Variants in YBX3 observed in about 807,000 individuals in gnomAD.
YBX3 encodes the protein Y-box-binding protein 3.
A neutral mutation model predicts 42.4 loss-of-function variants in YBX3; 29 were observed. That is an observed-to-expected ratio of 0.68 (90% CI 0.51 to 0.93). The LOEUF is 0.93. Among genes scored for constraint, YBX3 ranks in the 40% least tolerant of loss-of-function variants. The pLI, the probability that YBX3 is intolerant of heterozygous loss-of-function variation, is 0.00. For synonymous variants in YBX3, 195 were observed against 189.8 expected (o/e 1.03, Z -0.22); for missense variants, 517 against 527.5 (o/e 0.98, Z 0.19).
intron 5 of YBX3, 190 bp downstream of exon 5, chr12:10,713,021 A>G: frequency 1.3e-6 from 1 of 774,228 alleles, no homozygotes; most frequent in Non-Finnish European, 1.9e-6. Context: ...CGGTTTCCCA[A>G]AAACCTATGG....
At chr12:10,713,422 G>A in intron 4 of YBX3, 89 bp from the exon 5 acceptor site, 1 of 1,415,680 alleles carries the variant, frequency 7.1e-7, no homozygotes, top group Non-Finnish European at 9.4e-7. Flanking sequence ...GTATAAGACT[G>A]GCAGAACATA....
chr12:10,715,856 C>G, intron 3 of YBX3, 73 bp from the exon 4 acceptor site: 1 of 1,270,410 alleles, frequency 7.9e-7, no homozygotes, highest in Admixed American at 1.8e-5. Context: ...CTTTCAAGTA[C>G]ACCAGAGTGA....
intron 1 of YBX3, among the ~76,000 whole-genome samples, chr12:10,721,657 T>A (rs2120996582): frequency 6.6e-6 from 1 of 151,854 alleles, no homozygotes; most frequent in South Asian, 2.1e-4. Flanking sequence ...AAGAAAATAG[T>A]CCTCTCAAGG....
chr12:10,700,586 T>C (rs1280378541), intron 9 of YBX3, among the ~76,000 whole-genome samples: 3 of 152,162 alleles, frequency 2.0e-5, no homozygotes, highest in Non-Finnish European at 4.4e-5. Flanking sequence ...AATAACAAGC[T>C]ATCCTTTTAC....
chr12:10,718,066 T>C (rs751248066), intron 3 of YBX3, 22 bp downstream of exon 3: 5 of 1,599,696 alleles, frequency 3.1e-6, no homozygotes, highest in South Asian at 1.1e-5. Flanking sequence ...ATAGCAAATG[T>C]AGTATTTATA....
Position 10,715,769 on chromosome 12 carries a change from C to T in YBX3, c.375G>A (p.Lys125=), listed in dbSNP as rs574595566. 1.4e-5 allele frequency: 23 copies of T among 1,614,002 alleles called. No individual in the cohort carries two copies. Among genetic ancestry groups the T allele is most frequent in the Non-Finnish European group, 1.8e-5 (21 of 1,179,934 alleles). The change falls in exon 4 of 10, where the codon AAG becomes AAA. Residue 125 remains lysine (K), a synonymous_variant. Coordinates refer to ENST00000228251, the MANE Select transcript of YBX3 (RefSeq NM_003651.5). ...TGCGCAGATATTTCCGTGGGTTATT[C>T]TTCTTGATGGCAGTCTGGAAAGAGA... ...DVFVHQTAIK[K]NNPRKYLRSV...
At chr12:10,721,265 C>T (rs931789154) in intron 1 of YBX3, among the ~76,000 whole-genome samples, 6 of 152,198 alleles carry the variant, frequency 3.9e-5, no homozygotes, top group Non-Finnish European at 7.3e-5. Flanking sequence ...GACTCATCAC[C>T]AGGGATCTGC....
chr12:10,710,068 A>G lies in YBX3; in HGVS notation c.620T>C (p.Phe207Ser). 7 of 1,614,048 alleles carry G rather than the reference A, an allele frequency of 4.3e-6. No homozygotes were observed. Among genetic ancestry groups the G allele is most frequent in the South Asian group, 1.1e-5 (1 of 91,056 alleles). ...CTGCCTATCAGTGGCAGGGGGGTCA[A>G]ATCCTTCACTGCTGCCGCTCCCTTC... ...EEEGSGSSEGFDPPATDRQFS... is the reference protein window; with the variant it reads ...EEEGSGSSEGSDPPATDRQFS... The change falls in exon 6 of 10, where the codon TTT becomes TCT. Residue 207 changes from phenylalanine to serine, a missense_variant. Phe to Ser is a radical substitution (Grantham distance 155, BLOSUM62 -2). This residue lies in a region of YBX3 where 420 missense variants were observed against 408.5 expected (regional missense o/e 1.03). Coordinates refer to ENST00000228251, the MANE Select transcript of YBX3 (RefSeq NM_003651.5).
intron 4 of YBX3, 129 bp downstream of exon 4, chr12:10,715,546 AAAAAAAAAAAATTCTGTTT>A (rs1401621586): frequency 2.3e-5 from 17 of 735,256 alleles, no homozygotes; most frequent in Non-Finnish European, 3.2e-5. Context: ...CCCATCTTAA[AAAAAAAAAAAATTCTGTTT>A]AAAAGTCACT....
At chr12:10,709,469 T>C (rs1948173628) in intron 6 of YBX3, among the ~76,000 whole-genome samples, 1 of 152,248 alleles carries the variant, frequency 6.6e-6, no homozygotes, top group Non-Finnish European at 1.5e-5. Flanking sequence ...AAATCCTTTA[T>C]ATTTAATCAT....
At position 10,704,046 on chromosome 12, in the gene YBX3, C is replaced by T. The variant is rs181901839; in HGVS notation, c.878+5G>A. Reference sequence around the variant, plus strand: ...AACTGGCCATTAGTGGAAAATGCGACATACCTACGGTACCTTGGGCGGTAA... The same window carrying T: ...AACTGGCCATTAGTGGAAAATGCGATATACCTACGGTACCTTGGGCGGTAA... On this transcript the variant is annotated splice_donor_5th_base_variant and intron_variant, in intron 7 of 9. Coordinates refer to ENST00000228251, the MANE Select transcript of YBX3 (RefSeq NM_003651.5). 89 of 1,614,104 alleles carry T rather than the reference C, an allele frequency of 5.5e-5. No individual in the cohort carries two copies. The Admixed American group carries it at 9.0e-4, about 16-fold the overall frequency.
Position 10,718,115 on chromosome 12 carries a change from G to A in YBX3, c.333C>T (p.Asp111=). 6.2e-7 allele frequency: 1 copy of A among 1,611,894 alleles called. No individual in the cohort carries two copies. Among genetic ancestry groups the A allele is most frequent in the African/African-American group, 1.3e-5 (1 of 74,954 alleles). The change falls in exon 3 of 10, where the codon GAC becomes GAT. Residue 111 remains aspartate (D), a synonymous_variant. Transcript: ENST00000228251. ...GATGTACAAATACATCTTCTTTGGT[G>A]TCATTTCTGTTGAAAGACAAAAAGC... is the stretch of plus-strand genomic sequence containing the variant. The part of the protein sequence containing the change: ...RNGYGFINRN[D]TKEDVFVHQT...
intron 6 of YBX3, among the ~76,000 whole-genome samples, chr12:10,707,179 A>G (rs1948148088): frequency 6.6e-6 from 1 of 151,986 alleles, no homozygotes; most frequent in Non-Finnish European, 1.5e-5. Context: ...GAACTCCCAA[A>G]AATGTTGTCA....
In YBX3 at chr12:10,722,899, G is replaced by GGCGGCGGCCGCGGTGCCCGTGGCT. The variant is rs761225307; in HGVS notation, c.189_212dup (p.Ala64_Ala71dup). On this transcript the variant is annotated inframe_insertion, in exon 1 of 10. Transcript: ENST00000228251. The stretch of plus-strand genomic sequence containing the variant: ...CGCTGCCGGCGGCGGTGGCTAAAGA[G>GGCGGCGGCCGCGGTGCCCGTGGCT]GCGGCGGCCGCGGTGCCCGTGGCTG... 4.8e-6 allele frequency: 7 copies of GGCGGCGGCCGCGGTGCCCGTGGCT among 1,450,998 alleles called. No homozygotes were observed. In the African/African-American group the frequency reaches 1.0e-4, roughly 21 times the overall value. The allele number at this position is 1,450,998 out of a possible 1,614,324, so 89.9% of individuals were successfully genotyped here.
At chr12:10,710,162 A>G (rs2120937515) in intron 5 of YBX3, 48 bp from the exon 6 acceptor site, 1 of 1,584,334 alleles carries the variant, frequency 6.3e-7, no homozygotes, top group South Asian at 1.1e-5. Context: ...TAGCAAGGAA[A>G]GAACCAAAGA....
At chr12:10,704,209 T>C in intron 6 of YBX3, 61 bp from the exon 7 acceptor site, 2 of 1,384,622 alleles carry the variant, frequency 1.4e-6, no homozygotes, top group Non-Finnish European at 2.0e-6. Context: ...ATACAGTGCA[T>C]ACAGCTATGT....
intron 1 of YBX3, among the ~76,000 whole-genome samples, chr12:10,721,186 T>C (rs1175783650): frequency 1.3e-5 from 2 of 152,112 alleles, no homozygotes; most frequent in African/African-American, 4.8e-5. Context: ...AGTGTTGAGG[T>C]GTCACGTAGA....
At chr12:10,700,568 G>C (rs1351079951) in intron 9 of YBX3, among the ~76,000 whole-genome samples, 1 of 152,050 alleles carries the variant, frequency 6.6e-6, no homozygotes, top group Non-Finnish European at 1.5e-5. Flanking sequence ...AGTAGAAAAT[G>C]ACAAGAAAAT....
intron 6 of YBX3, among the ~76,000 whole-genome samples, chr12:10,704,614 CTT>C (rs1473236817): frequency 6.8e-6 from 1 of 147,498 alleles, no homozygotes; most frequent in Non-Finnish European, 1.5e-5. Flanking sequence ...ACTTTCTTTT[CTT>C]TTCTCAAAAC....
Sources: gnomAD v4.1 joint callset for allele counts (sites outside exome capture counted in the v4.1 genomes callset) on GRCh38, gnomAD v4.1.1 for gene constraint, gnomAD v4.1.1 regional missense constraint, MANE v1.5 for transcripts, NCBI Gene and HGNC (gene_info 2026-07-23, HGNC 2026-07-21) for gene names.